Variants in CTNNA2 observed in about 807,000 individuals in gnomAD.
CTNNA2 encodes the protein catenin alpha 2, also known as catenin alpha-2.
In CTNNA2, 42 loss-of-function variants were observed where a neutral mutation model predicts 101.0. The observed-to-expected ratio is 0.42, with a 90% confidence interval of 0.32 to 0.54. The LOEUF (loss-of-function observed/expected upper bound fraction) is 0.54, where lower values mean the gene tolerates loss of function less well. CTNNA2 is among the 20% of genes least tolerant of loss of function. CTNNA2 has a pLI of 0.14. For synonymous variants in CTNNA2, 450 were observed against 456.4 expected (o/e 0.99, Z 0.18); for missense variants, 871 against 1,223.1 (o/e 0.71, Z 4.29).
At chr2:79,672,832 C>A (rs988053777) in intron 2 of CTNNA2, among the ~76,000 whole-genome samples, 8 of 151,594 alleles carry the variant, frequency 5.3e-5, no homozygotes, top group African/African-American at 1.7e-4. Context: ...GCCTCAGCCT[C>A]CTGAGTAGCT....
At chr2:79,696,691 G>A (rs899194087) in intron 2 of CTNNA2, among the ~76,000 whole-genome samples, 2 of 151,992 alleles carry the variant, frequency 1.3e-5, no homozygotes, top group Non-Finnish European at 2.9e-5. Context: ...TTTGGTTTTA[G>A]CGATAGGGAA....
chr2:79,987,072 T>C lies in CTNNA2; in HGVS notation c.1056+77275T>C, dbSNP rs146419407. ...CCAGAGTGCTGTGTGGTGTTTGGTG[T>C]CTTGTGGAACCACTTTTTTTCCCCA... is the stretch of plus-strand genomic sequence containing the variant. On this transcript the variant is annotated intron_variant, in intron 7 of 18. Transcript: ENST00000402739. Among the ~76,000 whole-genome samples, 5 of 152,214 alleles carry C rather than the reference T, an allele frequency of 3.3e-5. No individual in the cohort carries two copies. In the East Asian group the frequency reaches 9.7e-4, roughly 29 times the overall value.
At chr2:79,244,018 C>T (rs1199826214) in intron 2 of CTNNA2, among the ~76,000 whole-genome samples, 3 of 152,078 alleles carry the variant, frequency 2.0e-5, no homozygotes, top group Admixed American at 2.0e-4. Flanking sequence ...AACCCTGGCA[C>T]CCTCTGAGGC....
At chr2:80,241,932 T>C (rs1405409731) in intron 7 of CTNNA2, among the ~76,000 whole-genome samples, 1 of 152,222 alleles carries the variant, frequency 6.6e-6, no homozygotes, top group African/African-American at 2.4e-5. Context: ...AGAGAGGTTG[T>C]TGATTTAATA....
chr2:79,760,413 C>T (rs1385906326), intron 3 of CTNNA2, among the ~76,000 whole-genome samples: 1 of 151,990 alleles, frequency 6.6e-6, no homozygotes, highest in Non-Finnish European at 1.5e-5. Flanking sequence ...AGTTGTGGGA[C>T]TAGCAAGTCC....
At chr2:80,447,451 G>C (rs949914551) in intron 9 of CTNNA2, among the ~76,000 whole-genome samples, 2 of 152,156 alleles carry the variant, frequency 1.3e-5, no homozygotes, top group African/African-American at 4.8e-5. Context: ...TGGGGTTGTT[G>C]TGTTATTTCT....
rs561933873 is a variant in CTNNA2 at position 79,382,781 on chromosome 2, T to C, written c.-135+8768T>C. Reference sequence around the variant, plus strand: ...CGTGCCCAACACCACGCCCGGCTAATTTTTCATATTTTTTAATAGAGAGGG... The same window carrying C: ...CGTGCCCAACACCACGCCCGGCTAACTTTTCATATTTTTTAATAGAGAGGG... On this transcript the variant is annotated intron_variant, in intron 4 of 21. Coordinates refer to the CTNNA2 transcript ENST00000466387. Among the ~76,000 whole-genome samples the C allele has an allele frequency of 1.4e-4, 22 of 152,172 alleles. No individual in the cohort carries two copies. In the East Asian group the frequency reaches 4.3e-3, roughly 30 times the overall value.
At chr2:79,798,582 T>TA (rs1376279042) in intron 3 of CTNNA2, among the ~76,000 whole-genome samples, 2 of 140,082 alleles carry the variant, frequency 1.4e-5, no homozygotes, top group Non-Finnish European at 3.1e-5. Context: ...TTTTTTTTTT[T>TA]ACAAAAATAC....
intron 1 of CTNNA2, among the ~76,000 whole-genome samples, chr2:79,191,792 T>G (rs897332563): frequency 6.6e-6 from 1 of 152,142 alleles, no homozygotes; most frequent in African/African-American, 2.4e-5. Context: ...GTCACAAGCA[T>G]GTGTGGTAAG....
intron 7 of CTNNA2, among the ~76,000 whole-genome samples, chr2:80,241,437 G>A (rs1670931646): frequency 6.6e-6 from 1 of 151,512 alleles, no homozygotes; most frequent in South Asian, 2.1e-4. Flanking sequence ...GAACATTTCT[G>A]TTTTATAAAT....
chr2:80,131,248 G>A (rs1185113327), intron 7 of CTNNA2, among the ~76,000 whole-genome samples: 1 of 152,052 alleles, frequency 6.6e-6, no homozygotes, highest in Admixed American at 6.5e-5. Flanking sequence ...TAGTAGACAC[G>A]AGATTTCACT....
chr2:79,410,239 A>G (rs62159390), intron 4 of CTNNA2, among the ~76,000 whole-genome samples: 90 of 133,090 alleles, frequency 6.8e-4, no homozygotes, highest in East Asian at 2.1e-3. Context: ...CAATCATGTC[A>G]TCTGCAAACA....
At chr2:80,233,520 A>G (rs982010994) in intron 7 of CTNNA2, among the ~76,000 whole-genome samples, 158 of 152,210 alleles carry the variant, frequency 1.0e-3, no homozygotes, top group African/African-American at 3.8e-3. Context: ...CAGTCCCCCA[A>G]ATTAATTTTA....
At chr2:80,009,435 A>G (rs976644015) in intron 7 of CTNNA2, among the ~76,000 whole-genome samples, 2 of 152,128 alleles carry the variant, frequency 1.3e-5, no homozygotes, top group African/African-American at 2.4e-5. Flanking sequence ...GGAAGATTTG[A>G]TGTTCATTCT....
Position 79,785,220 on chromosome 2 carries a change from G to T in CTNNA2, c.298+40638G>T, listed in dbSNP as rs546479804. On this transcript the variant is annotated intron_variant, in intron 3 of 18. Coordinates refer to ENST00000402739, the MANE Select transcript of CTNNA2 (RefSeq NM_001282597.3). The stretch of plus-strand genomic sequence containing the variant: ...AGTTGCCAATGGCTCTCCATCTTTT[G>T]CAAGGTGGAAGCCAAAGGCCTTACA... Among the ~76,000 whole-genome samples, 5 of 152,194 alleles carry T rather than the reference G, an allele frequency of 3.3e-5. No homozygotes were observed. The East Asian group carries it at 9.7e-4, about 29-fold the overall frequency.
intron 2 of CTNNA2, among the ~76,000 whole-genome samples, chr2:79,685,847 T>G (rs1407203847): frequency 1.3e-5 from 2 of 152,110 alleles, no homozygotes; most frequent in African/African-American, 4.8e-5. Context: ...CTATCCACCT[T>G]GCAGTTCCAA....
At position 79,305,089 on chromosome 2, in the gene CTNNA2, G is replaced by A. The variant is rs190571259; in HGVS notation, c.-405-7620G>A. 6.6e-4 allele frequency among the ~76,000 whole-genome samples: 100 copies of A among 152,134 alleles called. 1 individual carries two copies. Among genetic ancestry groups the A allele is most frequent in the Non-Finnish European group, 5.3e-4 (36 of 67,986 alleles). The stretch of plus-strand genomic sequence containing the variant: ...AATAGTGACAAGGGGAATTCTGTGT[G>A]TACAGAGGCAAAGCAGTGCATTTCA... On this transcript the variant is annotated intron_variant, in intron 2 of 21. Transcript: ENST00000466387.
intron 6 of CTNNA2, among the ~76,000 whole-genome samples, chr2:79,889,166 G>A (rs1684117949): frequency 6.6e-6 from 1 of 152,036 alleles, no homozygotes; most frequent in Non-Finnish European, 1.5e-5. Context: ...TGATTCAGTG[G>A]TGAAGTAAAC....
chr2:80,319,721 A>G (rs1380475374), intron 7 of CTNNA2, among the ~76,000 whole-genome samples: 1 of 152,126 alleles, frequency 6.6e-6, no homozygotes, highest in Non-Finnish European at 1.5e-5. Context: ...CCCAGGTGTA[A>G]TAAGAATTCT....
Sources: allele counts gnomAD v4.1 joint callset (sites outside exome capture counted in the v4.1 genomes callset), GRCh38; gene constraint gnomAD v4.1.1; transcripts MANE v1.5; gene names NCBI Gene and HGNC (gene_info 2026-07-23, HGNC 2026-07-21).